Variants in WDR70 observed in about 807,000 individuals in gnomAD.
The protein encoded by WDR70 is WD repeat domain 70, also known as WD repeat-containing protein 70.
A neutral mutation model predicts 88.6 loss-of-function variants in WDR70; 53 were observed. The observed-to-expected ratio is 0.60, with a 90% CI of 0.48 to 0.75. WDR70 has a LOEUF of 0.75. Ranked by LOEUF, WDR70 falls within the 30% of genes least tolerant of loss-of-function variation. The probability of loss-of-function intolerance (pLI) is 0.00; values close to 1 mark genes in which losing one functional copy is unlikely to be tolerated. For synonymous variants in WDR70, 280 were observed against 270.0 expected, an observed-to-expected ratio of 1.04 and a Z score of -0.36; for missense variants, 610 against 823.2, an observed-to-expected ratio of 0.74 and a Z score of 3.17.
intron 8 of WDR70, among the ~76,000 whole-genome samples, chr5:37,515,364 T>A (rs1295281046): frequency 6.6e-6 from 1 of 152,226 alleles, no homozygotes; most frequent in Non-Finnish European, 1.5e-5. Context: ...ACCTGTTGTG[T>A]TCGAGATGCC....
At chr5:37,516,650 T>G in intron 9 of WDR70, 60 bp downstream of exon 9, 1 of 1,202,900 alleles carries the variant, frequency 8.3e-7, no homozygotes. Context: ...TATTTAACGT[T>G]TGGATTGTTA....
intron 5 of WDR70, among the ~76,000 whole-genome samples, chr5:37,432,244 G>A (rs1482572467): frequency 6.6e-6 from 1 of 151,338 alleles, no homozygotes; most frequent in Non-Finnish European, 1.5e-5. Flanking sequence ...GATAGTAAAA[G>A]TTTTTTGATC....
At chr5:37,397,868 C>A (rs566745857) in intron 5 of WDR70, among the ~76,000 whole-genome samples, 1 of 151,684 alleles carries the variant, frequency 6.6e-6, no homozygotes, top group African/African-American at 2.4e-5. Flanking sequence ...TCGTGGCGCA[C>A]GCCTGTAGTC....
intron 5 of WDR70, among the ~76,000 whole-genome samples, chr5:37,427,483 TACAC>T (rs895875823): frequency 2.6e-5 from 4 of 152,218 alleles, no homozygotes; most frequent in South Asian, 2.1e-4. Flanking sequence ...CATGTACATG[TACAC>T]ACACATGCAT....
chr5:37,496,579 T>C (rs1043925438), intron 8 of WDR70, among the ~76,000 whole-genome samples: 1 of 152,252 alleles, frequency 6.6e-6, no homozygotes, highest in Non-Finnish European at 1.5e-5. Flanking sequence ...CACTAATGTC[T>C]TCTGCAATAG....
chr5:37,593,851 G>A (rs150284247), intron 9 of WDR70, among the ~76,000 whole-genome samples: 2,144 of 152,258 alleles, frequency 0.014, 21 homozygotes, highest in Non-Finnish European at 0.024. Context: ...TCTTACTGGC[G>A]TAAGATGGTA....
chr5:37,499,009 T>C (rs1247523625), intron 8 of WDR70, among the ~76,000 whole-genome samples: 1 of 152,208 alleles, frequency 6.6e-6, no homozygotes, highest in Non-Finnish European at 1.5e-5. Flanking sequence ...GTATTGTTAG[T>C]TTTTGGTAGT....
chr5:37,446,058 A>G (rs1360428363), intron 7 of WDR70, among the ~76,000 whole-genome samples: 1 of 152,214 alleles, frequency 6.6e-6, no homozygotes, highest in Non-Finnish European at 1.5e-5. Context: ...TCAGCCCCAA[A>G]ACTCTTTAAG....
rs1223381903 is a variant in WDR70 at position 37,461,122 on chromosome 5, AAAAT to A, written c.686+17754_686+17757del. On this transcript the variant is annotated intron_variant, in intron 7 of 17. Coordinates refer to ENST00000265107, the MANE Select transcript of WDR70 (RefSeq NM_018034.4). ...TCTAACCTCAAAAAAAAAAAAAAAA[AAAAT>A]AAAGGGTTGTGAAACAAACCCCAGA... Among the ~76,000 whole-genome samples, 454 of 149,448 alleles carry A rather than the reference AAAAT, an allele frequency of 3.0e-3. 3 individuals are homozygous for A. The highest frequency in any genetic ancestry group is 0.01 in the African/African-American group (411 of 39,424).
chr5:37,539,801 T>C (rs1365666437), intron 9 of WDR70, among the ~76,000 whole-genome samples: 2 of 152,190 alleles, frequency 1.3e-5, no homozygotes, highest in African/African-American at 4.8e-5. Flanking sequence ...GTCCATTTTT[T>C]CCCCAATAAG....
intron 9 of WDR70, among the ~76,000 whole-genome samples, chr5:37,576,061 C>A (rs1175145061): frequency 6.6e-6 from 1 of 150,634 alleles, no homozygotes; most frequent in Non-Finnish European, 1.5e-5. Context: ...CTTCCAACTT[C>A]CTTCCTTCCT....
At position 37,506,238 on chromosome 5, in the gene WDR70, C is replaced by T. The variant is rs568167369; in HGVS notation, c.841-10276C>T. The T allele has an allele frequency of 3.2e-5, 30 of 942,174 alleles. No individual in the cohort carries two copies. The East Asian group carries it at 5.0e-4, about 16-fold the overall frequency. The allele number at this position is 942,174 out of a possible 1,614,324, so 58.4% of individuals were successfully genotyped here. On this transcript the variant is annotated intron_variant, in intron 8 of 17. Coordinates refer to ENST00000265107, the MANE Select transcript of WDR70 (RefSeq NM_018034.4). ...CTTGGTTGGAGTTGCTATCAAAAAT[C>T]GGACAAATTCCTTTCGAGATATTGG...
intron 5 of WDR70, among the ~76,000 whole-genome samples, chr5:37,427,105 G>A (rs1312878094): frequency 6.6e-6 from 1 of 152,136 alleles, no homozygotes; most frequent in African/African-American, 2.4e-5. Flanking sequence ...AAAGAAACAC[G>A]TTGGCTGGGC....
At chr5:37,478,354 G>A (rs1449899532) in intron 7 of WDR70, among the ~76,000 whole-genome samples, 4 of 152,212 alleles carry the variant, frequency 2.6e-5, no homozygotes, top group Non-Finnish European at 4.4e-5. Flanking sequence ...TAGGGACTGT[G>A]TGCCACCAGT....
intron 17 of WDR70, among the ~76,000 whole-genome samples, chr5:37,738,796 C>G (rs1017238873): frequency 1.1e-4 from 17 of 152,152 alleles, no homozygotes; most frequent in Non-Finnish European, 1.0e-4. Context: ...CAAAAAGTAT[C>G]AAGGGGAAAT....
chr5:37,460,691 A>AG (rs1288913747), intron 7 of WDR70, among the ~76,000 whole-genome samples: 230 of 1,916 alleles, frequency 0.12, 5 homozygotes, highest in African/African-American at 0.15. Flanking sequence ...AGAGTATAAT[A>AG]AAAAAAAACA....
At chr5:37,499,047 G>T (rs1367609150) in intron 8 of WDR70, among the ~76,000 whole-genome samples, 1 of 151,802 alleles carries the variant, frequency 6.6e-6, no homozygotes, top group Non-Finnish European at 1.5e-5. Context: ...TGTTTAGTGG[G>T]ATCCCATTGT....
chr5:37,436,927 T>C (rs541279062), intron 5 of WDR70, among the ~76,000 whole-genome samples: 116 of 152,276 alleles, frequency 7.6e-4, no homozygotes, highest in Non-Finnish European at 1.3e-3. Flanking sequence ...AATAGACATA[T>C]AATATTAGTA....
chr5:37,423,208 T>C (rs952774525), intron 5 of WDR70, among the ~76,000 whole-genome samples: 3 of 152,022 alleles, frequency 2.0e-5, no homozygotes, highest in Non-Finnish European at 4.4e-5. Context: ...TTGACAAAGC[T>C]GAGGTTTGGT....
Sources: allele counts gnomAD v4.1 joint callset (sites outside exome capture counted in the v4.1 genomes callset), GRCh38; gene constraint gnomAD v4.1.1; transcripts MANE v1.5; gene names NCBI Gene and HGNC (gene_info 2026-07-23, HGNC 2026-07-21).